Variants in GDPD4 observed in about 807,000 individuals in gnomAD.
The protein encoded by GDPD4 is glycerophosphodiester phosphodiesterase 6.
Under a neutral mutation model 67.8 loss-of-function variants are expected in GDPD4, and 60 were observed. The observed-to-expected ratio is 0.88, with a 90% CI of 0.72 to 1.10. The LOEUF (loss-of-function observed/expected upper bound fraction) is 1.10. GDPD4 is among the 50% of genes least tolerant of loss of function. The pLI is 0.00. For synonymous variants in GDPD4, 212 were observed against 210.9 expected (o/e 1.00, Z -0.04); for missense variants, 623 against 613.9 (o/e 1.01, Z -0.16).
At chr11:77,239,110 T>C (rs1384289355) in intron 13 of GDPD4, among the ~76,000 whole-genome samples, 1 of 152,134 alleles carries the variant, frequency 6.6e-6, no homozygotes, top group Non-Finnish European at 1.5e-5. Context: ...ATCATCTCAA[T>C]AGATATAGAA....
Position 77,235,022 on chromosome 11 carries a change from T to G in GDPD4, c.1242-1850A>C, listed in dbSNP as rs1294248539. ...TTGTCAATATCTGTTTTTTTTTTTT[T>G]TTTTTTTTTTTTTTTGACTTTTTAG... On this transcript the variant is annotated intron_variant, in intron 13 of 16. Coordinates refer to ENST00000315938, the MANE Select transcript of GDPD4 (RefSeq NM_182833.3). Among the ~76,000 whole-genome samples the G allele has an allele frequency of 3.9e-3, 514 of 132,194 alleles. 5 individuals are homozygous for G. The highest frequency in any genetic ancestry group is 0.013 in the African/African-American group (485 of 37,552). The allele number at this position is 132,194 out of a possible 152,430, so 86.7% of individuals were successfully genotyped here. A position where few individuals can be genotyped will look rare whatever the true frequency, so the allele number is the denominator to read the frequency against.
chr11:77,280,465 G>A (rs910010598), intron 3 of GDPD4, among the ~76,000 whole-genome samples: 2 of 150,934 alleles, frequency 1.3e-5, no homozygotes, highest in African/African-American at 4.9e-5. Flanking sequence ...TAGCACTCTA[G>A]ATGTAGTCAA....
intron 10 of GDPD4, among the ~76,000 whole-genome samples, chr11:77,267,704 C>T (rs111261736): frequency 1.4e-4 from 21 of 152,164 alleles, no homozygotes; most frequent in African/African-American, 4.8e-4. Context: ...TTTATATATC[C>T]TAGACACAAG....
In GDPD4 at chr11:77,269,963, A is replaced by G; in HGVS notation, c.401-3T>C. 6.9e-7 allele frequency: 1 copy of G among 1,457,346 alleles called. No individual in the cohort carries two copies. The highest frequency in any genetic ancestry group is 1.2e-5 in the South Asian group (1 of 85,036). The allele number at this position is 1,457,346 out of a possible 1,614,324, so 90.3% of individuals were successfully genotyped here. A position where few individuals can be genotyped will look rare whatever the true frequency, so the allele number is the denominator to read the frequency against. On this transcript the variant is annotated splice_polypyrimidine_tract_variant and splice_region_variant and intron_variant, in intron 7 of 16. Transcript: ENST00000315938. ...CATCCTGTATCTTCTCATTCTAACTAAAATTTAGAAAGTGAAAAAGAAAAG... is the reference window on the plus strand; with the variant it reads ...CATCCTGTATCTTCTCATTCTAACTGAAATTTAGAAAGTGAAAAAGAAAAG...
chr11:77,225,625 C>T (rs1311730098), intron 16 of GDPD4, among the ~76,000 whole-genome samples: 1 of 152,062 alleles, frequency 6.6e-6, no homozygotes, highest in Non-Finnish European at 1.5e-5. Flanking sequence ...AACAGAAGAA[C>T]AGGGGTAAGA....
At chr11:77,227,056 G>A (rs572522600) in intron 16 of GDPD4, among the ~76,000 whole-genome samples, 2 of 152,258 alleles carry the variant, frequency 1.3e-5, no homozygotes, top group Non-Finnish European at 2.9e-5. Flanking sequence ...GTTGCGGAAG[G>A]AAATTATATC....
chr11:77,289,290 A>G (rs1937677858), intron 1 of GDPD4, among the ~76,000 whole-genome samples: 2 of 151,164 alleles, frequency 1.3e-5, no homozygotes, highest in South Asian at 4.2e-4. Flanking sequence ...TTGAACCTGG[A>G]AGGCGGAGGT....
chr11:77,270,679 A>G (rs1959209510), intron 7 of GDPD4, among the ~76,000 whole-genome samples: 1 of 152,214 alleles, frequency 6.6e-6, no homozygotes, highest in African/African-American at 2.4e-5. Context: ...ACTGCACTCC[A>G]GCCTGGCAAT....
chr11:77,299,218 C>T (rs895597988), intron 1 of GDPD4, among the ~76,000 whole-genome samples: 16 of 152,146 alleles, frequency 1.1e-4, no homozygotes, highest in Non-Finnish European at 2.9e-5. Flanking sequence ...ATACCATCAG[C>T]ATCCCGATTA....
At chr11:77,297,263 T>G (rs1255469911) in intron 1 of GDPD4, among the ~76,000 whole-genome samples, 1 of 151,934 alleles carries the variant, frequency 6.6e-6, no homozygotes, top group Admixed American at 6.6e-5. Context: ...GTAGATGCTC[T>G]GGGCCGGGCG....
chr11:77,245,935 T>G (rs1958774209), intron 11 of GDPD4, among the ~76,000 whole-genome samples: 1 of 152,188 alleles, frequency 6.6e-6, no homozygotes, highest in African/African-American at 2.4e-5. Flanking sequence ...CCATATCCAC[T>G]TGTTAAAATC....
intron 13 of GDPD4, among the ~76,000 whole-genome samples, chr11:77,236,249 A>G (rs1264603880): frequency 1.3e-5 from 2 of 151,884 alleles, no homozygotes; most frequent in Admixed American, 1.3e-4. Context: ...TTTGTTACAT[A>G]TGTATACATG....
intron 10 of GDPD4, among the ~76,000 whole-genome samples, chr11:77,260,224 T>G (rs529243861): frequency 1.3e-5 from 2 of 151,126 alleles, no homozygotes; most frequent in South Asian, 4.2e-4. Flanking sequence ...GGAGAATGCT[T>G]GAACCTGGGA....
chr11:77,292,631 A>T (rs1265674497), intron 1 of GDPD4, among the ~76,000 whole-genome samples: 1 of 151,332 alleles, frequency 6.6e-6, no homozygotes, highest in Admixed American at 6.6e-5. Flanking sequence ...AAAAAATAGG[A>T]AAAAAAATCA....
intron 13 of GDPD4, among the ~76,000 whole-genome samples, chr11:77,240,847 GA>G (rs1958650032): frequency 6.6e-6 from 1 of 152,048 alleles, no homozygotes; most frequent in Non-Finnish European, 1.5e-5. Flanking sequence ...AATCATCAGG[GA>G]AATACAAATT....
rs748337814 is a variant in GDPD4 at position 77,268,484 on chromosome 11, T to G, written c.680A>C (p.His227Pro). The G allele has an allele frequency of 1.9e-6, 3 of 1,613,178 alleles. No homozygotes were observed. The highest frequency in any genetic ancestry group is 2.5e-6 in the Non-Finnish European group (3 of 1,179,268). The change falls in exon 10 of 17, where the codon CAT (histidine) becomes CCT (proline). Residue 227 changes from histidine to proline, a missense_variant. Coordinates refer to ENST00000315938, the MANE Select transcript of GDPD4 (RefSeq NM_182833.3). ...TAAGTGTATATCAGTCTCCAATCCATGGGCTCCATGTTCAACAGCTTTCTC... is the reference window on the plus strand; with the variant it reads ...TAAGTGTATATCAGTCTCCAATCCAGGGGCTCCATGTTCAACAGCTTTCTC... ...SFEKAVEHGA[H>P]GLETDIHLSY... is the part of the protein sequence containing the mutation.
At chr11:77,245,069 C>G (rs1370346708) in intron 12 of GDPD4, among the ~76,000 whole-genome samples, 3 of 152,146 alleles carry the variant, frequency 2.0e-5, no homozygotes, top group Non-Finnish European at 4.4e-5. Context: ...AGCAAACAGC[C>G]TCAATGATTT....
rs573848738 is a variant in GDPD4, at chr11:77,234,809, C to A, written c.1242-1637G>T. Among the ~76,000 whole-genome samples, 26 of 152,210 alleles carry A rather than the reference C, an allele frequency of 1.7e-4. No homozygotes were observed. In the South Asian group the frequency reaches 5.4e-3, roughly 32 times the overall value. On this transcript the variant is annotated intron_variant, in intron 13 of 16. Transcript: ENST00000315938. Reference sequence around the variant, plus strand: ...TGTGAATAGTGCTGCAATAAACATACAAGTGCAGGTATCTTTTTAGTAGAA... The same window carrying A: ...TGTGAATAGTGCTGCAATAAACATAAAAGTGCAGGTATCTTTTTAGTAGAA...
At chr11:77,298,511 T>A (rs1670445) in intron 1 of GDPD4, among the ~76,000 whole-genome samples, 45,010 of 151,796 alleles carry the variant, frequency 0.3, 6,748 homozygotes, top group East Asian at 0.3. Context: ...AAATTTTTTT[T>A]AAAAACATTT....
Sources: gnomAD v4.1 joint callset for allele counts (sites outside exome capture counted in the v4.1 genomes callset) on GRCh38, gnomAD v4.1.1 for gene constraint, MANE v1.5 for transcripts, NCBI Gene and HGNC (gene_info 2026-07-23, HGNC 2026-07-21) for gene names.